Variants in DTD1 observed in about 807,000 individuals in gnomAD.
The protein encoded by DTD1 is D-tyrosyl-tRNA deacylase 1 homolog.
A neutral mutation model predicts 25.6 loss-of-function variants in DTD1; 13 were observed. That is an observed-to-expected ratio of 0.51 (90% confidence interval 0.33 to 0.81). The LOEUF (loss-of-function observed/expected upper bound fraction) is 0.81. Ranked by LOEUF, DTD1 falls within the 30% of genes least tolerant of loss-of-function variation. DTD1 has a pLI of 0.02. For missense variants in DTD1, 193 were observed against 266.4 expected, an observed-to-expected ratio of 0.72 and a Z score of 1.92; for synonymous variants, 110 against 103.6, an observed-to-expected ratio of 1.06 and a Z score of -0.37.
At chr20:18,625,371 T>C (rs574251301) in intron 3 of DTD1, among the ~76,000 whole-genome samples, 1 of 152,388 alleles carries the variant, frequency 6.6e-6, no homozygotes, top group Admixed American at 6.5e-5. Context: ...TACTGGTCTC[T>C]GCCTAAGGCC....
intron 4 of DTD1, among the ~76,000 whole-genome samples, chr20:18,693,587 G>A (rs2061057345): frequency 6.6e-6 from 1 of 151,842 alleles, no homozygotes; most frequent in Non-Finnish European, 1.5e-5. Flanking sequence ...AACCCAGGAG[G>A]CGGAGGTTGC....
chr20:18,598,779 G>A (rs1223508776), intron 3 of DTD1, among the ~76,000 whole-genome samples: 6 of 151,854 alleles, frequency 4.0e-5, no homozygotes, highest in Non-Finnish European at 7.4e-5. Flanking sequence ...AAAGTGCTGG[G>A]ATTACAGGTG....
intron 4 of DTD1, among the ~76,000 whole-genome samples, chr20:18,640,755 C>A (rs1373397154): frequency 6.6e-6 from 1 of 151,792 alleles, no homozygotes; most frequent in African/African-American, 2.4e-5. Context: ...CTCAGCCTCC[C>A]GAGTAGCTGG....
intron 4 of DTD1, among the ~76,000 whole-genome samples, chr20:18,669,411 G>A (rs766911258): frequency 6.6e-6 from 1 of 152,132 alleles, no homozygotes; most frequent in Non-Finnish European, 1.5e-5. Context: ...AGGTATTTCC[G>A]CCTGAAAGTT....
chr20:18,727,020 A>G (rs974109127), intron 4 of DTD1, among the ~76,000 whole-genome samples: 1 of 152,028 alleles, frequency 6.6e-6, no homozygotes, highest in Admixed American at 6.6e-5. Context: ...GGACGGGTGG[A>G]CTCTTGGGTG....
At chr20:18,674,071 T>C (rs983718122) in intron 4 of DTD1, among the ~76,000 whole-genome samples, 2 of 152,188 alleles carry the variant, frequency 1.3e-5, no homozygotes, top group Non-Finnish European at 2.9e-5. Flanking sequence ...TCCCTGTGGA[T>C]TTATATATCC....
chr20:18,690,506 A>T (rs1238021114), intron 4 of DTD1, among the ~76,000 whole-genome samples: 1 of 152,100 alleles, frequency 6.6e-6, no homozygotes, highest in Non-Finnish European at 1.5e-5. Flanking sequence ...ATCCATCTTG[A>T]GTTAATTTTT....
At chr20:18,628,372 T>C (rs2295574) in intron 4 of DTD1, 139 bp downstream of exon 4, 346,891 of 673,340 alleles carry the variant, frequency 0.52, 92,287 homozygotes, top group Middle Eastern at 0.6. Flanking sequence ...TTCCCAAGAG[T>C]GCATGTTTAC....
chr20:18,708,290 T>G (rs1600383319), intron 4 of DTD1, among the ~76,000 whole-genome samples: 1 of 59,170 alleles, frequency 1.7e-5, no homozygotes, highest in African/African-American at 6.8e-5. Flanking sequence ...ATATATTATA[T>G]ATATATAATA....
chr20:18,652,429 C>T (rs980615389), intron 4 of DTD1, among the ~76,000 whole-genome samples: 5 of 152,220 alleles, frequency 3.3e-5, no homozygotes, highest in South Asian at 4.1e-4. Flanking sequence ...CTTTCTGGTG[C>T]GTACTTGGCT....
At chr20:18,655,574 A>G (rs1487127862) in intron 4 of DTD1, among the ~76,000 whole-genome samples, 7 of 152,172 alleles carry the variant, frequency 4.6e-5, no homozygotes, top group Non-Finnish European at 8.8e-5. Context: ...GCCATCACAG[A>G]AAGTGCATGG....
At chr20:18,684,832 G>T (rs117224425) in intron 4 of DTD1, among the ~76,000 whole-genome samples, 1 of 152,012 alleles carries the variant, frequency 6.6e-6, no homozygotes, top group Non-Finnish European at 1.5e-5. Context: ...AGCTAAAGTC[G>T]GAAGTTTCTC....
At chr20:18,679,871 A>G (rs1030327926) in intron 4 of DTD1, among the ~76,000 whole-genome samples, 3 of 152,208 alleles carry the variant, frequency 2.0e-5, no homozygotes, top group Admixed American at 2.0e-4. Flanking sequence ...ATTGATACAC[A>G]GTCAAAACAA....
At chr20:18,756,210 C>T (rs79353335) in intron 5 of DTD1, among the ~76,000 whole-genome samples, 6 of 152,240 alleles carry the variant, frequency 3.9e-5, no homozygotes, top group East Asian at 1.9e-4. Context: ...TTTTCTCCCA[C>T]TTTGTAGGTT....
intron 4 of DTD1, among the ~76,000 whole-genome samples, chr20:18,665,626 C>A (rs2060928859): frequency 6.6e-6 from 1 of 152,176 alleles, no homozygotes; most frequent in Admixed American, 6.5e-5. Flanking sequence ...GACCACCATT[C>A]CTGAAAAGTA....
At chr20:18,739,083 C>A (rs1051905072) in intron 4 of DTD1, among the ~76,000 whole-genome samples, 4 of 151,848 alleles carry the variant, frequency 2.6e-5, no homozygotes, top group African/African-American at 9.7e-5. Flanking sequence ...GTCCTAAGGC[C>A]TTAGGTGGAG....
chr20:18,644,277 A>G (rs1205863208), intron 4 of DTD1, among the ~76,000 whole-genome samples: 2 of 152,146 alleles, frequency 1.3e-5, no homozygotes, highest in African/African-American at 4.8e-5. Context: ...TCACTTTAGC[A>G]CATGTTAATA....
chr20:18,726,445 T>C (rs2061222781), intron 4 of DTD1, among the ~76,000 whole-genome samples: 1 of 151,918 alleles, frequency 6.6e-6, no homozygotes, highest in Admixed American at 6.6e-5. Flanking sequence ...ATGAGGGGGG[T>C]GTTTTTGTCA....
intron 4 of DTD1, among the ~76,000 whole-genome samples, chr20:18,648,723 T>G (rs1416723477): frequency 6.6e-6 from 1 of 152,096 alleles, no homozygotes; most frequent in East Asian, 1.9e-4. Context: ...TTTTACCATT[T>G]ATATTGTGCA....
Sources: gnomAD v4.1 joint callset for allele counts (sites outside exome capture counted in the v4.1 genomes callset) on GRCh38, gnomAD v4.1.1 for gene constraint, MANE v1.5 for transcripts, NCBI Gene and HGNC (gene_info 2026-07-23, HGNC 2026-07-21) for gene names.